Variants in XPO4 observed in about 807,000 individuals in gnomAD.
XPO4 encodes exportin 4.
XPO4 carries 39 observed loss-of-function variants against 143.0 expected under a neutral mutation model. The observed-to-expected ratio is 0.27, with a 90% CI of 0.21 to 0.36. XPO4 has a LOEUF of 0.36. XPO4 is among the 10% of genes least tolerant of loss of function. XPO4 has a pLI of 1.00. For missense variants in XPO4, 907 were observed against 1,348.0 expected (o/e 0.67, Z 5.12); for synonymous variants, 439 against 474.0 (o/e 0.93, Z 0.96).
chr13:20,788,344 A>T, intron 20 of XPO4, 142 bp downstream of exon 20: 1 of 1,119,394 alleles, frequency 8.9e-7, no homozygotes, highest in Non-Finnish European at 1.2e-6. Flanking sequence ...GGTGTGAGCC[A>T]CCGTGCCTGG....
chr13:20,854,720 C>T (rs1169730248), intron 4 of XPO4, among the ~76,000 whole-genome samples: 2 of 152,176 alleles, frequency 1.3e-5, no homozygotes, highest in East Asian at 3.9e-4. Flanking sequence ...GCAACTCCTC[C>T]TGCCTCAGAC....
chr13:20,849,200 T>A, intron 4 of XPO4: 7 of 985,436 alleles, frequency 7.1e-6, no homozygotes, highest in Non-Finnish European at 8.4e-6. Flanking sequence ...GAATAAACTT[T>A]ATGAAAGGTT....
rs1050337053 is a variant in XPO4 at position 20,851,480 on chromosome 13, G to A, written c.456+4147C>T. ...CCTATAATCTTTGGGAGGCCAAGGT[G>A]GGCAGATTGCTTGAGCCTGGAAGTT... On this transcript the variant is annotated intron_variant, in intron 4 of 22. Coordinates refer to ENST00000255305, the MANE Select transcript of XPO4 (RefSeq NM_022459.5). 3.1e-6 allele frequency: 3 copies of A among 961,938 alleles called. No homozygotes were observed. The African/African-American group carries it at 5.3e-5, about 17-fold the overall frequency. The allele number at this position is 961,938 out of a possible 1,614,324, so 59.6% of individuals were successfully genotyped here. A position where few individuals can be genotyped will look rare whatever the true frequency, so the allele number is the denominator to read the frequency against.
In XPO4 at chr13:20,796,259, G is replaced by GAA. The variant is rs34352023; in HGVS notation, c.2617-5_2617-4dup. ...TCATATAAGTTCATAGCTTTGGACT[G>GAA]AAAAAAAAAAAAATGCACAAATTAT... On this transcript the variant is annotated splice_polypyrimidine_tract_variant and splice_region_variant and intron_variant, in intron 17 of 22. Coordinates refer to ENST00000255305, the MANE Select transcript of XPO4 (RefSeq NM_022459.5). The GAA allele has an allele frequency of 8.0e-4, 978 of 1,229,568 alleles. No homozygotes were observed. The highest frequency in any genetic ancestry group is 1.4e-3 in the South Asian group (80 of 57,078). 76.2% of individuals were successfully genotyped at this position (1,229,568 alleles called of 1,614,324 possible).
At chr13:20,809,508 G>A (rs2059550751) in intron 10 of XPO4, among the ~76,000 whole-genome samples, 1 of 152,158 alleles carries the variant, frequency 6.6e-6, no homozygotes, top group Admixed American at 6.5e-5. Context: ...TCCCATATGG[G>A]AGAATTGAAC....
At chr13:20,800,432 T>C in intron 14 of XPO4, 107 bp from the exon 15 acceptor site, 17 of 1,011,346 alleles carry the variant, frequency 1.7e-5, no homozygotes, top group Non-Finnish European at 2.0e-5. Context: ...GAAGTAGTGC[T>C]TACTTCACAT....
intron 9 of XPO4, among the ~76,000 whole-genome samples, chr13:20,821,495 G>T (rs2059719290): frequency 6.6e-6 from 1 of 152,046 alleles, no homozygotes; most frequent in South Asian, 2.1e-4. Context: ...AAATGCTTAA[G>T]ACCAGTAAAT....
rs2059157972 is a variant in XPO4 at position 20,782,954 on chromosome 13, TG to T, written c.*767del. The T allele has an allele frequency of 6.6e-6, 1 of 152,320 alleles. No homozygotes were observed. The highest frequency in any genetic ancestry group is 1.5e-5 in the Non-Finnish European group (1 of 67,990). The allele number at this position is 152,320 out of a possible 1,614,324, so 9.4% of individuals were successfully genotyped here. On this transcript the variant is annotated 3_prime_UTR_variant, in exon 23 of 23. Coordinates refer to ENST00000255305, the MANE Select transcript of XPO4 (RefSeq NM_022459.5). Reference sequence around the variant, plus strand: ...TTGTATTACACAAAACCTGCAGCACTGGGTTGATGTGAGAGAGAGAGAGAAA... The same window carrying T: ...TTGTATTACACAAAACCTGCAGCACTGGTTGATGTGAGAGAGAGAGAGAAA...
Position 20,842,955 on chromosome 13 carries a change from A to C in XPO4, c.667T>G (p.Phe223Val). The change falls in exon 6 of 23, where the codon TTT becomes GTT. Residue 223 changes from phenylalanine to valine, a missense_variant. By Grantham distance (50) the Phe-to-Val change is conservative. Coordinates refer to ENST00000255305, the MANE Select transcript of XPO4 (RefSeq NM_022459.5). ...ENLNAQMSSVFQRYLALANQV... is the reference protein window; with the variant it reads ...ENLNAQMSSVVQRYLALANQV... ...TTGGCGAGTGCAAGGTAACGCTGAA[A>C]TACTGAAGACATCTGAGCATTGAGG... 5.0e-6 allele frequency: 8 copies of C among 1,613,668 alleles called. No individual in the cohort carries two copies. Among genetic ancestry groups the C allele is most frequent in the Non-Finnish European group, 6.8e-6 (8 of 1,179,668 alleles).
At chr13:20,796,003 C>T in intron 18 of XPO4, 73 bp downstream of exon 18, 1 of 1,429,136 alleles carries the variant, frequency 7.0e-7, no homozygotes, top group Middle Eastern at 2.5e-4. Flanking sequence ...ATGTCTCTTA[C>T]AGAAAACAAT....
chr13:20,838,200 T>C (rs1052847137), intron 6 of XPO4, among the ~76,000 whole-genome samples: 2 of 152,256 alleles, frequency 1.3e-5, no homozygotes, highest in African/African-American at 2.4e-5. Flanking sequence ...AAATATTTAC[T>C]CTGCATTATT....
chr13:20,835,297 A>C (rs973247339), intron 6 of XPO4, among the ~76,000 whole-genome samples: 4 of 152,220 alleles, frequency 2.6e-5, no homozygotes, highest in African/African-American at 4.8e-5. Context: ...TGTGCTTTAA[A>C]ATTCCATCAC....
chr13:20,796,505 T>A (rs1270339884), intron 17 of XPO4, among the ~76,000 whole-genome samples: 1 of 152,084 alleles, frequency 6.6e-6, no homozygotes, highest in South Asian at 2.1e-4. Context: ...ATGGCATACA[T>A]ATACCTATGT....
rs528935398 is a variant in XPO4 at position 20,899,920 on chromosome 13, A to G, written c.69+2750T>C. Among the ~76,000 whole-genome samples, 5 of 152,332 alleles carry G rather than the reference A, an allele frequency of 3.3e-5. No homozygotes were observed. In the East Asian group the frequency reaches 9.6e-4, roughly 29 times the overall value. On this transcript the variant is annotated intron_variant, in intron 1 of 22. Coordinates refer to ENST00000255305, the MANE Select transcript of XPO4 (RefSeq NM_022459.5). The stretch of plus-strand genomic sequence containing the variant: ...AATTGACGGAGCATTAACAACCTTA[A>G]TTAGCCAAAGATGAATTAATTTACC...
intron 19 of XPO4, among the ~76,000 whole-genome samples, chr13:20,790,015 C>T (rs1006559597): frequency 1.3e-5 from 2 of 152,168 alleles, no homozygotes; most frequent in African/African-American, 2.4e-5. Flanking sequence ...GGAAGCATAC[C>T]ATCCCATTTT....
chr13:20,783,881 A>T lies in XPO4; in HGVS notation c.3297T>A (p.Ser1099Arg). ...YSELVETLLS[S>R]QQDPVIYQRL... ...TCTGGTAAATAACTGGGTCTTGCTG[A>T]CTTGATAGTAATGTTTCGACCAGTT... is the stretch of plus-strand genomic sequence containing the variant. The change falls in exon 23 of 23, where the codon AGT becomes AGA. Residue 1099 changes from serine to arginine, a missense_variant. Coordinates refer to ENST00000255305, the MANE Select transcript of XPO4 (RefSeq NM_022459.5). The T allele has an allele frequency of 6.2e-7, 1 of 1,614,164 alleles. No homozygotes were observed.
intron 15 of XPO4, among the ~76,000 whole-genome samples, chr13:20,799,869 A>T (rs2059409811): frequency 6.6e-6 from 1 of 152,242 alleles, no homozygotes; most frequent in South Asian, 2.1e-4. Context: ...TATTCCACAT[A>T]AAAGTGTTTG....
intron 7 of XPO4, among the ~76,000 whole-genome samples, chr13:20,824,771 G>A (rs2059763508): frequency 6.6e-6 from 1 of 152,226 alleles, no homozygotes; most frequent in African/African-American, 2.4e-5. Context: ...GACGCCCAGT[G>A]AGATGAATGG....
intron 13 of XPO4, among the ~76,000 whole-genome samples, chr13:20,801,894 A>G (rs2059438957): frequency 6.6e-6 from 1 of 152,096 alleles, no homozygotes; most frequent in Non-Finnish European, 1.5e-5. Flanking sequence ...TGGATGGCCC[A>G]CTGTCACTGC....
Sources: allele counts gnomAD v4.1 joint callset (sites outside exome capture counted in the v4.1 genomes callset), GRCh38; gene constraint gnomAD v4.1.1; transcripts MANE v1.5; gene names NCBI Gene and HGNC (gene_info 2026-07-23, HGNC 2026-07-21).